ZBTB16: variants seen among roughly 807,000 people sequenced by gnomAD.
ZBTB16 encodes the protein zinc finger and BTB domain containing 16.
In ZBTB16, 8 loss-of-function variants were observed where a neutral mutation model predicts 56.8. The observed-to-expected ratio is 0.14, with a 90% CI of 0.08 to 0.25. The LOEUF (loss-of-function observed/expected upper bound fraction) is 0.25. ZBTB16 is among the 10% of genes least tolerant of loss of function. The pLI, the probability that ZBTB16 is intolerant of heterozygous loss-of-function variation, is 1.00. For synonymous variants in ZBTB16, 363 were observed against 368.5 expected (o/e 0.98, Z 0.17); for missense variants, 625 against 903.0 (o/e 0.69, Z 3.95).
chr11:114,243,017 A>G (rs1309988551), intron 5 of ZBTB16, among the ~76,000 whole-genome samples: 1 of 152,210 alleles, frequency 6.6e-6, no homozygotes, highest in Non-Finnish European at 1.5e-5. Context: ...ATTCCCTGCC[A>G]CCAGCCTCTA....
In ZBTB16 at chr11:114,110,320, C is replaced by T. The variant is rs568588965; in HGVS notation, c.1268+45752C>T. ...ACCTGTGCACAGTCCCCCAAGGCAG[C>T]AATCTGGGGTCACCAGGGAAGTTAC... On this transcript the variant is annotated intron_variant, in intron 2 of 6. Transcript: ENST00000335953. Among the ~76,000 whole-genome samples, 4 of 152,278 alleles carry T rather than the reference C, an allele frequency of 2.6e-5. No homozygotes were observed. In the South Asian group the frequency reaches 8.3e-4, roughly 32 times the overall value.
rs75893480 is a variant in ZBTB16 at position 114,065,233 on chromosome 11, C to T, written c.1268+665C>T. ...GTCTTGCAGCCTGTGAAGTCTCATTCTTATCCCATCTCTGCTCACACTGAA... is the reference window on the plus strand; with the variant it reads ...GTCTTGCAGCCTGTGAAGTCTCATTTTTATCCCATCTCTGCTCACACTGAA... On this transcript the variant is annotated intron_variant, in intron 2 of 6. Coordinates refer to ENST00000335953, the MANE Select transcript of ZBTB16 (RefSeq NM_006006.6). Among the ~76,000 whole-genome samples the T allele has an allele frequency of 2.3e-3, 356 of 152,330 alleles. 6 individuals are homozygous for T. In the East Asian group the frequency reaches 0.057, roughly 25 times the overall value.
At chr11:114,109,513 C>A (rs565865522) in intron 2 of ZBTB16, among the ~76,000 whole-genome samples, 1 of 152,104 alleles carries the variant, frequency 6.6e-6, no homozygotes, top group African/African-American at 2.4e-5. Flanking sequence ...ACAATGAGGC[C>A]GAGATGTTTT....
chr11:114,196,083 A>G (rs1412003523), intron 4 of ZBTB16, among the ~76,000 whole-genome samples: 1 of 152,234 alleles, frequency 6.6e-6, no homozygotes, highest in Admixed American at 6.5e-5. Context: ...GAGGTCTGGA[A>G]TGCCCAAAGC....
At chr11:114,083,304 C>T (rs1939840724) in intron 2 of ZBTB16, among the ~76,000 whole-genome samples, 2 of 152,212 alleles carry the variant, frequency 1.3e-5, no homozygotes, top group South Asian at 2.1e-4. Flanking sequence ...ATAAAACAAA[C>T]AGTTCCTAAA....
chr11:114,162,068 C>A lies in ZBTB16; in HGVS notation c.1366+5634C>A, dbSNP rs1015362340. On this transcript the variant is annotated intron_variant, in intron 3 of 6. Transcript: ENST00000335953. The stretch of plus-strand genomic sequence containing the variant: ...ATGAGGCTCTTCCCCAGAGTTAGAG[C>A]CATGGGGAAAGAATGAAGGCTTTCG... Among the ~76,000 whole-genome samples, 11 of 152,262 alleles carry A rather than the reference C, an allele frequency of 7.2e-5. No individual in the cohort carries two copies. In the East Asian group the frequency reaches 2.1e-3, roughly 30 times the overall value.
chr11:114,075,851 A>G (rs1202398927), intron 2 of ZBTB16, among the ~76,000 whole-genome samples: 2 of 152,150 alleles, frequency 1.3e-5, no homozygotes, highest in Admixed American at 1.3e-4. Context: ...TCCCCCCATC[A>G]TAGCCCAAAG....
intron 2 of ZBTB16, among the ~76,000 whole-genome samples, chr11:114,067,431 G>T (rs1463543716): frequency 6.6e-6 from 1 of 152,134 alleles, no homozygotes; most frequent in Non-Finnish European, 1.5e-5. Context: ...TGTTGAGGCA[G>T]AGTCTTACTC....
At chr11:114,098,973 C>A (rs986715987) in intron 2 of ZBTB16, among the ~76,000 whole-genome samples, 1 of 152,168 alleles carries the variant, frequency 6.6e-6, no homozygotes, top group Non-Finnish European at 1.5e-5. Flanking sequence ...GTAAATATTT[C>A]GGACATCCTC....
chr11:114,218,218 G>A (rs988905544), intron 4 of ZBTB16, among the ~76,000 whole-genome samples: 1 of 152,222 alleles, frequency 6.6e-6, no homozygotes, highest in African/African-American at 2.4e-5. Context: ...CAACCCAGGT[G>A]AACCCTTCTT....
intron 4 of ZBTB16, among the ~76,000 whole-genome samples, chr11:114,203,318 T>G (rs1323192120): frequency 2.6e-5 from 4 of 152,214 alleles, no homozygotes; most frequent in African/African-American, 7.2e-5. Flanking sequence ...AAGTGACTAC[T>G]AATGGGTATG....
rs1025319879 is a variant in ZBTB16, at chr11:114,182,161, C to G, written c.1367-4791C>G. Among the ~76,000 whole-genome samples, 3 of 152,168 alleles carry G rather than the reference C, an allele frequency of 2.0e-5. No individual in the cohort carries two copies. The South Asian group carries it at 6.2e-4, about 32-fold the overall frequency. Reference sequence around the variant, plus strand: ...CTGCCTTCCGGGCTCAAGCTATTCTCCTGCCTCAGCTTCCTGAGTAGCTGG... The same window carrying G: ...CTGCCTTCCGGGCTCAAGCTATTCTGCTGCCTCAGCTTCCTGAGTAGCTGG... On this transcript the variant is annotated intron_variant, in intron 3 of 6. Coordinates refer to ENST00000335953, the MANE Select transcript of ZBTB16 (RefSeq NM_006006.6).
chr11:114,139,788 C>T (rs773841520), intron 2 of ZBTB16, among the ~76,000 whole-genome samples: 10 of 152,136 alleles, frequency 6.6e-5, no homozygotes, highest in African/African-American at 2.2e-4. Flanking sequence ...CCGGAAGGCC[C>T]GTCACCCTGA....
intron 3 of ZBTB16, among the ~76,000 whole-genome samples, chr11:114,172,727 C>A (rs1201159247): frequency 1.3e-5 from 2 of 152,196 alleles, no homozygotes; most frequent in African/African-American, 4.8e-5. Flanking sequence ...TTCCTGCACA[C>A]ACCAAACTCG....
intron 2 of ZBTB16, among the ~76,000 whole-genome samples, chr11:114,097,986 T>C (rs1940478817): frequency 6.6e-6 from 1 of 152,212 alleles, no homozygotes; most frequent in African/African-American, 2.4e-5. Context: ...GGTACGTATG[T>C]GGTCAGGTTT....
chr11:114,206,153 T>G (rs924769084), intron 4 of ZBTB16, among the ~76,000 whole-genome samples: 1 of 152,182 alleles, frequency 6.6e-6, no homozygotes, highest in Non-Finnish European at 1.5e-5. Flanking sequence ...CTTTCAAAAG[T>G]AGAGTCTGGA....
Position 114,064,591 on chromosome 11 carries a change from A to C in ZBTB16, c.1268+23A>C, listed in dbSNP as rs779802292. 1.2e-6 allele frequency: 2 copies of C among 1,612,226 alleles called. No homozygotes were observed. The highest frequency in any genetic ancestry group is 1.7e-6 in the Non-Finnish European group (2 of 1,179,816). Reference sequence around the variant, plus strand: ...CAGGTAGGCCCCGCTCCAGCCCCGCACCTGATGTAGGACTTGAGGCCCTCA... The same window carrying C: ...CAGGTAGGCCCCGCTCCAGCCCCGCCCCTGATGTAGGACTTGAGGCCCTCA... On this transcript the variant is annotated intron_variant, in intron 2 of 6. Transcript: ENST00000335953. The surrounding 1 kb of genome is among the most constrained non-coding windows in gnomAD (Gnocchi z 4.2).
intron 2 of ZBTB16, among the ~76,000 whole-genome samples, chr11:114,120,308 A>G (rs1398084968): frequency 6.6e-6 from 1 of 152,184 alleles, no homozygotes; most frequent in East Asian, 1.9e-4. Flanking sequence ...TATGGGATGA[A>G]TGGGGACATG....
chr11:114,063,800 G>A lies in ZBTB16; in HGVS notation c.500G>A (p.Gly167Glu). 2 of 1,614,158 alleles carry A rather than the reference G, an allele frequency of 1.2e-6. No homozygotes were observed. Among genetic ancestry groups the A allele is most frequent in the Non-Finnish European group, 1.7e-6 (2 of 1,180,034 alleles). Residue 167 changes from glycine to glutamate, a missense_variant, in exon 2 of 7, where the codon GGG (glycine) becomes GAG (glutamate). By Grantham distance (98) the Gly-to-Glu change is moderately conservative. Coordinates refer to ENST00000335953, the MANE Select transcript of ZBTB16 (RefSeq NM_006006.6). The surrounding 1 kb of genome is among the most constrained non-coding windows in gnomAD (Gnocchi z 6.5). ...FISKHSSEESGYASVAGQSLP... is the reference protein window; with the variant it reads ...FISKHSSEESEYASVAGQSLP... ...TCGAAGCATTCCAGCGAGGAGAGTGGGTATGCCAGTGTGGCTGGACAGAGC... is the reference window on the plus strand; with the variant it reads ...TCGAAGCATTCCAGCGAGGAGAGTGAGTATGCCAGTGTGGCTGGACAGAGC...
Sources: allele counts gnomAD v4.1 joint callset (sites outside exome capture counted in the v4.1 genomes callset), GRCh38; gene constraint gnomAD v4.1.1; non-coding constraint Gnocchi (gnomAD v3.1); transcripts MANE v1.5; gene names NCBI Gene and HGNC (gene_info 2026-07-23, HGNC 2026-07-21).